KHDRBS1: variants seen among roughly 807,000 people sequenced by gnomAD.
KHDRBS1 encodes KH RNA binding domain containing, signal transduction associated 1, also known as KH domain-containing, RNA-binding, signal transduction-associated protein 1.
In KHDRBS1, 7 loss-of-function variants were observed where a neutral mutation model predicts 48.4. The ratio of observed to expected loss-of-function variants is 0.14; its 90% CI spans 0.08 to 0.27. The LOEUF (loss-of-function observed/expected upper bound fraction) is 0.27. KHDRBS1 is among the 10% of genes least tolerant of loss of function. KHDRBS1 has a pLI of 1.00. For missense variants in KHDRBS1, 458 were observed against 601.2 expected (o/e 0.76, Z 2.49); for synonymous variants, 241 against 235.8 (o/e 1.02, Z -0.20).
chr1:32,027,237 C>T (rs1638993382), intron 1 of KHDRBS1, among the ~76,000 whole-genome samples: 1 of 152,166 alleles, frequency 6.6e-6, no homozygotes, highest in Admixed American at 6.5e-5. Flanking sequence ...TGGCCTGTTC[C>T]ACATTATTAA....
At chr1:32,047,236 G>A, downstream of KHDRBS1, among the ~76,000 whole-genome samples, 1 of 152,166 alleles carries the variant, frequency 6.6e-6, no homozygotes, top group Admixed American at 6.5e-5. Flanking sequence ...TCAGCTTACT[G>A]CGACCTCCAC....
At chr1:32,056,964 C>CATAA (rs139308661) in intron 10 of KHDRBS1, among the ~76,000 whole-genome samples, 5,707 of 152,106 alleles carry the variant, frequency 0.038, 345 homozygotes, top group African/African-American at 0.13. Flanking sequence ...TCATAAATAA[C>CATAA]ATAATTTCAA....
At position 32,031,568 on chromosome 1, in the gene KHDRBS1, C is replaced by A; in HGVS notation, c.552C>A (p.Ile184=). The change falls in exon 3 of 9, where the codon ATC becomes ATA. Residue 184 remains isoleucine, a synonymous_variant. Transcript: ENST00000327300. ...TTCTTGGACCACAAGGGAATACAAT[C>A]AAAAGACTGCAGGAAGAGACTGGTG... ...GKILGPQGNT[I]KRLQEETGAK... 6.2e-7 allele frequency: 1 copy of A among 1,611,154 alleles called. No homozygotes were observed. The highest frequency in any genetic ancestry group is 1.1e-5 in the South Asian group (1 of 90,380).
At chr1:32,027,320 C>CT (rs1266298969) in intron 1 of KHDRBS1, among the ~76,000 whole-genome samples, 1 of 152,040 alleles carries the variant, frequency 6.6e-6, no homozygotes, top group Non-Finnish European at 1.5e-5. Context: ...GATTGAATAA[C>CT]TAAGTTTTCC....
At chr1:32,047,031 A>G (rs1286609221), downstream of KHDRBS1, among the ~76,000 whole-genome samples, 2 of 152,278 alleles carry the variant, frequency 1.3e-5, no homozygotes, top group Admixed American at 1.3e-4. Context: ...TTGGACTGTG[A>G]ACTGTGCTTG....
At chr1:32,031,768 A>G in intron 3 of KHDRBS1, 128 bp downstream of exon 3, 1 of 549,882 alleles carries the variant, frequency 1.8e-6, no homozygotes, top group Non-Finnish European at 3.3e-6. Context: ...TTAAGTTTGC[A>G]CTGGATGCAA....
At chr1:32,050,853 A>T (rs1639410694) in intron 10 of KHDRBS1, among the ~76,000 whole-genome samples, 1 of 150,768 alleles carries the variant, frequency 6.6e-6, no homozygotes, top group African/African-American at 2.4e-5. Flanking sequence ...GATTCATTTT[A>T]TGTTAACTTT....
In KHDRBS1 at chr1:32,024,062, G is replaced by C. The variant is rs144548832; in HGVS notation, c.383-6236G>C. ...AGATCAGGAGTTGAAGACCAGCCTG[G>C]CCAACATGGTGAAACCTTTTTTCTA... On this transcript the variant is annotated intron_variant, in intron 1 of 8. Coordinates refer to ENST00000327300, the MANE Select transcript of KHDRBS1 (RefSeq NM_006559.3). 7.0e-3 allele frequency among the ~76,000 whole-genome samples: 1,071 copies of C among 152,284 alleles called. 4 individuals are homozygous for C. The highest frequency in any genetic ancestry group is 0.048 in the Middle Eastern group (14 of 294).
intron 10 of KHDRBS1, among the ~76,000 whole-genome samples, chr1:32,050,224 CA>C (rs985610441): frequency 3.3e-5 from 5 of 152,264 alleles, no homozygotes; most frequent in African/African-American, 1.2e-4. Context: ...ATACTTTGCC[CA>C]CTTTTAAATG....
chr1:32,014,065 T>A lies in KHDRBS1; in HGVS notation c.70T>A (p.Ser24Thr). The change falls in exon 1 of 9, where the codon TCC (serine) becomes ACC (threonine). Residue 24 changes from serine (S) to threonine (T), a missense_variant. Transcript: ENST00000327300. Reference sequence around the variant, plus strand: ...GGGCCGTAGCGGCTCCATGGACCCCTCCGGTGCCCACCCCTCGGTGCGTCA... The same window carrying A: ...GGGCCGTAGCGGCTCCATGGACCCCACCGGTGCCCACCCCTCGGTGCGTCA... ...SSGRSGSMDP[S>T]GAHPSVRQTP... is the part of the protein sequence containing the mutation. 6.7e-7 allele frequency: 1 copy of A among 1,497,484 alleles called. No individual in the cohort carries two copies. The highest frequency in any genetic ancestry group is 2.2e-5 in the Admixed American group (1 of 45,354). 92.8% of individuals were successfully genotyped at this position (1,497,484 alleles called of 1,614,324 possible). A position where few individuals can be genotyped will look rare whatever the true frequency, so the allele number is the denominator to read the frequency against.
intron 4 of KHDRBS1, among the ~76,000 whole-genome samples, chr1:32,034,807 C>G (rs960160418): frequency 2.0e-5 from 3 of 150,594 alleles, no homozygotes; most frequent in African/African-American, 7.3e-5. Context: ...GAAACCCCGT[C>G]TCTACTAAAA....
chr1:32,045,708 TAGAA>T (rs1475376097), downstream of KHDRBS1, among the ~76,000 whole-genome samples: 5 of 152,206 alleles, frequency 3.3e-5, no homozygotes, highest in Non-Finnish European at 5.9e-5. Flanking sequence ...AAGACTTTAT[TAGAA>T]AGGTGTTAAG....
At chr1:32,029,456 G>A (rs975377769) in intron 1 of KHDRBS1, among the ~76,000 whole-genome samples, 3 of 152,142 alleles carry the variant, frequency 2.0e-5, no homozygotes, top group African/African-American at 4.8e-5. Flanking sequence ...TCGGGAGTTC[G>A]AGACCAGCCT....
intron 1 of KHDRBS1, among the ~76,000 whole-genome samples, chr1:32,019,402 T>C (rs1000989482): frequency 2.7e-4 from 41 of 151,704 alleles, no homozygotes; most frequent in African/African-American, 9.7e-4. Flanking sequence ...ATACAAAAAT[T>C]AGTTGGGCGT....
intron 1 of KHDRBS1, among the ~76,000 whole-genome samples, chr1:32,021,509 T>C (rs561804732): frequency 6.6e-6 from 1 of 152,302 alleles, no homozygotes; most frequent in Admixed American, 6.5e-5. Flanking sequence ...TTATGGGACT[T>C]CTGATTCCAA....
intron 2 of KHDRBS1, among the ~76,000 whole-genome samples, 200 bp from the exon 3 acceptor site, chr1:32,031,324 T>C (rs1313454934): frequency 6.6e-6 from 1 of 152,136 alleles, no homozygotes; most frequent in Non-Finnish European, 1.5e-5. Context: ...AAAAGCCAAA[T>C]TCAGGTCTAG....
intron 5 of KHDRBS1, 33 bp downstream of exon 5, chr1:32,037,076 G>A (rs747699723): frequency 6.2e-6 from 10 of 1,608,548 alleles, no homozygotes; most frequent in Non-Finnish European, 8.5e-6. Flanking sequence ...GAAATAGGAT[G>A]TGAATTTGAC....
chr1:32,048,325 T>C (rs1412427586), downstream of KHDRBS1, among the ~76,000 whole-genome samples: 1 of 152,138 alleles, frequency 6.6e-6, no homozygotes, highest in Non-Finnish European at 1.5e-5. Flanking sequence ...CGGGACAACA[T>C]AGCAGACTCT....
At position 32,037,978 on chromosome 1, in the gene KHDRBS1, C is replaced by T. The variant is rs1467950277; in HGVS notation, c.1049C>T (p.Ala350Val). Reference sequence around the variant, plus strand: ...GCTCCAGCACCAAGAGCACGGACAGCGGGCATCCAGAGGATACCTTTGCCT... The same window carrying T: ...GCTCCAGCACCAAGAGCACGGACAGTGGGCATCCAGAGGATACCTTTGCCT... ...RGAPAPRART[A>V]GIQRIPLPPP... Residue 350 changes from alanine to valine, a missense_variant, in exon 6 of 9, where the codon GCG (alanine) becomes GTG (valine). Ala to Val is a moderately conservative substitution (Grantham distance 64). Around this residue, in one of 3 missense-constraint regions of KHDRBS1, gnomAD observed 171 missense variants for 228.7 expected, o/e 0.75. Coordinates refer to ENST00000327300, the MANE Select transcript of KHDRBS1 (RefSeq NM_006559.3). 13 of 1,614,072 alleles carry T rather than the reference C, an allele frequency of 8.1e-6. No individual in the cohort carries two copies. The highest frequency in any genetic ancestry group is 1.0e-5 in the Non-Finnish European group (12 of 1,180,040).
Sources: allele counts gnomAD v4.1 joint callset (sites outside exome capture counted in the v4.1 genomes callset), GRCh38; gene constraint gnomAD v4.1.1; regional missense constraint gnomAD v4.1.1; transcripts MANE v1.5; gene names NCBI Gene and HGNC (gene_info 2026-07-23, HGNC 2026-07-21).